The following INO80D variants were observed in gnomAD, a reference collection of about 807,000 sequenced individuals.
INO80D encodes INO80 complex subunit D.
A neutral mutation model predicts 87.6 loss-of-function variants in INO80D; 21 were observed. The observed-to-expected ratio is 0.24, with a 90% CI of 0.17 to 0.35. INO80D has a LOEUF of 0.35. Ranked by LOEUF, INO80D falls within the 10% of genes least tolerant of loss-of-function variation. The probability of loss-of-function intolerance (pLI) is 1.00; values close to 1 mark genes in which losing one functional copy is unlikely to be tolerated. For missense variants in INO80D, 982 were observed against 1,280.7 expected (o/e 0.77, Z 3.56); for synonymous variants, 440 against 491.0 (o/e 0.90, Z 1.37).
intron 3 of INO80D, among the ~76,000 whole-genome samples, chr2:206,061,905 C>T (rs1332404945): frequency 1.3e-5 from 2 of 152,134 alleles, no homozygotes; most frequent in African/African-American, 2.4e-5. Flanking sequence ...TAACAAGTAT[C>T]TTGAAACTTT....
chr2:206,056,812 G>A lies in INO80D; in HGVS notation c.350C>T (p.Thr117Met), dbSNP rs1331233032. 6 of 1,612,250 alleles carry A rather than the reference G, an allele frequency of 3.7e-6. No individual in the cohort carries two copies. The highest frequency in any genetic ancestry group is 4.5e-5 in the East Asian group (2 of 44,870). Residue 117 changes from threonine (T) to methionine (M), a missense_variant, in exon 4 of 11, where the codon ACG (threonine) becomes ATG (methionine). Transcript: ENST00000403263. ...DTMAFSLTVP[T>M]LALKMPNGLD... ...TCCGTTGGGCATCTTCAAGGCCAAC[G>A]TGGGCACTGTCAGGCTAAAGGCCAT...
chr2:206,044,589 G>C (rs1689146066), intron 5 of INO80D, among the ~76,000 whole-genome samples: 1 of 151,052 alleles, frequency 6.6e-6, no homozygotes, highest in Non-Finnish European at 1.5e-5. Flanking sequence ...GGCCAAGAAA[G>C]TAACATGCTA....
Position 205,999,838 on chromosome 2 carries a change from A to G in INO80D, c.*4530T>C, listed in dbSNP as rs1047706999. The G allele has an allele frequency of 2.6e-5, 4 of 152,214 alleles. No individual in the cohort carries two copies. Among genetic ancestry groups the G allele is most frequent in the Non-Finnish European group, 4.4e-5 (3 of 68,040 alleles). 9.4% of individuals were successfully genotyped at this position (152,214 alleles called of 1,614,324 possible). ...AAACATGATTCTGGTTTCCTCCAGA[A>G]TATAGGAAAATGTATAAAGATGTTA... On this transcript the variant is annotated 3_prime_UTR_variant, in exon 11 of 11. Coordinates refer to ENST00000403263, the MANE Select transcript of INO80D (RefSeq NM_017759.5).
At chr2:206,025,197 T>G (rs1009000210) in intron 6 of INO80D, among the ~76,000 whole-genome samples, 1 of 151,916 alleles carries the variant, frequency 6.6e-6, no homozygotes, top group African/African-American at 2.4e-5. Context: ...ATTCCTAAAT[T>G]TTTTCTCTAT....
At chr2:206,011,204 C>G (rs551425324) in intron 8 of INO80D, among the ~76,000 whole-genome samples, 2 of 152,162 alleles carry the variant, frequency 1.3e-5, no homozygotes, top group Admixed American at 1.3e-4. Flanking sequence ...GGCCAGTACC[C>G]GAACATTGTG....
In INO80D at chr2:205,997,976, A is replaced by G. The variant is rs1479218114; in HGVS notation, c.*6392T>C. ...AAAAAATACAGACATATACATGCAC[A>G]CAAGTAATTTAGTTCTATTTTAAAG... On this transcript the variant is annotated 3_prime_UTR_variant, in exon 11 of 11. Transcript: ENST00000403263. 1 of 152,232 alleles carries G rather than the reference A, an allele frequency of 6.6e-6. No homozygotes were observed. Among genetic ancestry groups the G allele is most frequent in the Admixed American group, 6.5e-5 (1 of 15,284 alleles). 9.4% of individuals were successfully genotyped at this position (152,232 alleles called of 1,614,324 possible). A position where few individuals can be genotyped will look rare whatever the true frequency, so the allele number is the denominator to read the frequency against.
At chr2:206,014,880 T>A (rs1249978312) in intron 8 of INO80D, among the ~76,000 whole-genome samples, 1 of 152,202 alleles carries the variant, frequency 6.6e-6, no homozygotes, top group East Asian at 1.9e-4. Flanking sequence ...ACAAAAATGC[T>A]GATAGTGATA....
chr2:205,995,422 T>G lies in INO80D; in HGVS notation c.*8946A>C, dbSNP rs548417921. On this transcript the variant is annotated 3_prime_UTR_variant, in exon 11 of 11. Coordinates refer to ENST00000403263, the MANE Select transcript of INO80D (RefSeq NM_017759.5). ...TCTTTAAATAACTTTTGATAATGTA[T>G]TTTAAATCATTACATACAACTGCCA... is the stretch of plus-strand genomic sequence containing the variant. 1 of 152,212 alleles carries G rather than the reference T, an allele frequency of 6.6e-6. No homozygotes were observed. Among genetic ancestry groups the G allele is most frequent in the African/African-American group, 2.4e-5 (1 of 41,456 alleles). The allele number at this position is 152,212 out of a possible 1,614,324, so 9.4% of individuals were successfully genotyped here.
chr2:206,048,101 C>G (rs991788546), intron 4 of INO80D, among the ~76,000 whole-genome samples: 7 of 152,060 alleles, frequency 4.6e-5, no homozygotes, highest in African/African-American at 1.7e-4. Flanking sequence ...GTGATCCACC[C>G]GCCTTGGCCT....
chr2:206,006,732 A>T (rs899295652), intron 10 of INO80D, among the ~76,000 whole-genome samples: 77 of 151,654 alleles, frequency 5.1e-4, no homozygotes, highest in African/African-American at 1.7e-3. Flanking sequence ...TCAAAAATAA[A>T]GCAAAAGTAT....
rs1360099739 is a variant in INO80D at position 205,997,988 on chromosome 2, G to A, written c.*6380C>T. 1 of 152,092 alleles carries A rather than the reference G, an allele frequency of 6.6e-6. No homozygotes were observed. Among genetic ancestry groups the A allele is most frequent in the East Asian group, 1.9e-4 (1 of 5,202 alleles). 9.4% of individuals were successfully genotyped at this position (152,092 alleles called of 1,614,324 possible). On this transcript the variant is annotated 3_prime_UTR_variant, in exon 11 of 11. Transcript: ENST00000403263. ...CATATACATGCACACAAGTAATTTA[G>A]TTCTATTTTAAAGTCACAGTGGGAA...
chr2:206,034,655 T>C (rs1350708112), intron 5 of INO80D, among the ~76,000 whole-genome samples: 2 of 150,226 alleles, frequency 1.3e-5, no homozygotes, highest in Non-Finnish European at 3.0e-5. Context: ...TGGGGAAAAG[T>C]TGAAAGCATT....
In INO80D at chr2:206,056,544, C is replaced by G. The variant is rs72946438; in HGVS notation, c.618G>C (p.Pro206=). The stretch of plus-strand genomic sequence containing the variant: ...AAGGTGACAGGTGGGAGTGCTGCTG[C>G]GGAGGCTGCTGCTGTGAAGGTGCAG... The part of the protein sequence containing the change: ...PPPAPSQQQP[P]QQHSHLSPLS... Residue 206 remains proline (P), a synonymous_variant, in exon 4 of 11, where the codon CCG becomes CCC. Coordinates refer to ENST00000403263, the MANE Select transcript of INO80D (RefSeq NM_017759.5). 8 of 1,612,992 alleles carry G rather than the reference C, an allele frequency of 5.0e-6. No individual in the cohort carries two copies. In the South Asian group the frequency reaches 7.7e-5, roughly 16 times the overall value.
intron 3 of INO80D, among the ~76,000 whole-genome samples, chr2:206,060,986 AAG>A (rs1291301821): frequency 6.6e-6 from 1 of 152,148 alleles, no homozygotes; most frequent in Admixed American, 6.6e-5. Context: ...GAATATTTTG[AAG>A]AGATTCATAA....
At chr2:206,052,628 A>T (rs1161373041) in intron 4 of INO80D, among the ~76,000 whole-genome samples, 1 of 151,948 alleles carries the variant, frequency 6.6e-6, no homozygotes, top group Non-Finnish European at 1.5e-5. Context: ...TCTATCAAAA[A>T]ATCTGAAAAA....
Position 205,998,088 on chromosome 2 carries a change from T to C in INO80D, c.*6280A>G, listed in dbSNP as rs1057400740. 1 of 152,202 alleles carries C rather than the reference T, an allele frequency of 6.6e-6. No homozygotes were observed. Among genetic ancestry groups the C allele is most frequent in the Non-Finnish European group, 1.5e-5 (1 of 68,018 alleles). The allele number at this position is 152,202 out of a possible 1,614,324, so 9.4% of individuals were successfully genotyped here. A position where few individuals can be genotyped will look rare whatever the true frequency, so the allele number is the denominator to read the frequency against. On this transcript the variant is annotated 3_prime_UTR_variant, in exon 11 of 11. Coordinates refer to ENST00000403263, the MANE Select transcript of INO80D (RefSeq NM_017759.5). ...TCTAGATTTATTATTTTCTCTATTT[T>C]ACTTCCCAACTTACAGAATAAACTG...
rs1482096523 is a variant in INO80D, at chr2:206,007,187, T to C, written c.1918+97A>G. 4 of 1,013,258 alleles carry C rather than the reference T, an allele frequency of 3.9e-6. No individual in the cohort carries two copies. The African/African-American group carries it at 4.9e-5, about 12-fold the overall frequency. The allele number at this position is 1,013,258 out of a possible 1,614,324, so 62.8% of individuals were successfully genotyped here. A position where few individuals can be genotyped will look rare whatever the true frequency, so the allele number is the denominator to read the frequency against. Reference sequence around the variant, plus strand: ...TATCTACAGTGAAAGACATTACATGTGAGGAGGAATATGATAAACACATCT... The same window carrying C: ...TATCTACAGTGAAAGACATTACATGCGAGGAGGAATATGATAAACACATCT... On this transcript the variant is annotated intron_variant, in intron 10 of 10. Coordinates refer to ENST00000403263, the MANE Select transcript of INO80D (RefSeq NM_017759.5).
intron 6 of INO80D, among the ~76,000 whole-genome samples, chr2:206,021,564 A>T (rs1688464514): frequency 6.6e-6 from 1 of 152,188 alleles, no homozygotes; most frequent in Non-Finnish European, 1.5e-5. Context: ...GCTAAGCTCA[A>T]ATTCTCTTGG....
intron 3 of INO80D, among the ~76,000 whole-genome samples, chr2:206,060,331 G>A (rs996022818): frequency 1.3e-5 from 2 of 151,980 alleles, no homozygotes; most frequent in South Asian, 2.1e-4. Flanking sequence ...TCAGGAGTTC[G>A]AGACCAGCCT....
Sources: gnomAD v4.1 joint callset for allele counts (sites outside exome capture counted in the v4.1 genomes callset) on GRCh38, gnomAD v4.1.1 for gene constraint, MANE v1.5 for transcripts, NCBI Gene and HGNC (gene_info 2026-07-23, HGNC 2026-07-21) for gene names.